The following ZBTB38 variants were observed in gnomAD, a reference collection of about 807,000 sequenced individuals.
ZBTB38 encodes the protein zinc finger and BTB domain-containing protein 38.
ZBTB38 carries 20 observed loss-of-function variants against 76.8 expected under a neutral mutation model. That is an observed-to-expected ratio of 0.26 (90% confidence interval 0.18 to 0.38). The LOEUF (loss-of-function observed/expected upper bound fraction) is 0.38. Ranked by LOEUF, ZBTB38 falls within the 10% of genes least tolerant of loss-of-function variation. ZBTB38 has a pLI of 1.00. For synonymous variants in ZBTB38, 504 were observed against 544.2 expected, an observed-to-expected ratio of 0.93 and a Z score of 1.03; for missense variants, 1,082 against 1,482.3, an observed-to-expected ratio of 0.73 and a Z score of 4.43.
intron 2 of ZBTB38, among the ~76,000 whole-genome samples, chr3:141,379,201 A>T (rs1201287321): frequency 6.6e-6 from 1 of 152,128 alleles, no homozygotes; most frequent in East Asian, 1.9e-4. Flanking sequence ...TTTGAAATTA[A>T]ATTTATTGTG....
intron 1 of ZBTB38, among the ~76,000 whole-genome samples, chr3:141,346,973 G>A (rs560299133): frequency 3.3e-5 from 5 of 152,232 alleles, no homozygotes; most frequent in Non-Finnish European, 5.9e-5. Flanking sequence ...CAGCACTTCC[G>A]CCACTAGCTT....
At chr3:141,434,348 A>C (rs1317934541) in intron 5 of ZBTB38, 1 of 326,398 alleles carries the variant, frequency 3.1e-6, no homozygotes, top group Non-Finnish European at 4.4e-6. Context: ...CCAAAGTTAT[A>C]AGAAAAGGGA....
chr3:141,431,323 C>CAAAAAAAAAAAA (rs71976494), intron 5 of ZBTB38, among the ~76,000 whole-genome samples: 1 of 101,408 alleles, frequency 9.9e-6, no homozygotes, highest in Non-Finnish European at 1.8e-5. Context: ...GACTTCGTCT[C>CAAAAAAAAAAAA]AAAAAAAAAA....
intron 5 of ZBTB38, among the ~76,000 whole-genome samples, chr3:141,441,057 A>T (rs1009386817): frequency 6.6e-6 from 1 of 151,436 alleles, no homozygotes; most frequent in Non-Finnish European, 1.5e-5. Context: ...AAAAGAAAAG[A>T]AAAAGAAAGA....
chr3:141,384,634 T>A (rs1209498231), intron 3 of ZBTB38, among the ~76,000 whole-genome samples: 1 of 152,140 alleles, frequency 6.6e-6, no homozygotes, highest in Admixed American at 6.5e-5. Context: ...AGCGTGATCA[T>A]CTCTCTAATT....
chr3:141,328,725 G>A (rs570046775), intron 1 of ZBTB38, among the ~76,000 whole-genome samples: 5 of 152,176 alleles, frequency 3.3e-5, no homozygotes, highest in African/African-American at 4.8e-5. Flanking sequence ...CCTCCAAGGC[G>A]CTCTGTCACC....
rs376851215 is a variant in ZBTB38 at position 141,421,945 on chromosome 3, G to A, written c.-1+17914G>A. ...GTCTCAGCACCATCTTGTGGACACAGCACTGTGAACTGGGGATGGGCTGTG... is the reference window on the plus strand; with the variant it reads ...GTCTCAGCACCATCTTGTGGACACAACACTGTGAACTGGGGATGGGCTGTG... On this transcript the variant is annotated intron_variant, in intron 5 of 5. Transcript: ENST00000321464. Among the ~76,000 whole-genome samples the A allele has an allele frequency of 1.7e-3, 255 of 152,368 alleles. 5 individuals carry two copies. The highest frequency in any genetic ancestry group is 6.0e-3 in the African/African-American group (249 of 41,584).
intron 2 of ZBTB38, among the ~76,000 whole-genome samples, chr3:141,377,352 C>T (rs796470278): frequency 3.9e-5 from 6 of 152,348 alleles, no homozygotes; most frequent in African/African-American, 1.4e-4. Context: ...CCCAGCTAAG[C>T]TCAGAAGGCC....
upstream of ZBTB38, among the ~76,000 whole-genome samples, chr3:141,365,064 T>G (rs1299005837): frequency 6.6e-6 from 1 of 151,734 alleles, no homozygotes; most frequent in Non-Finnish European, 1.5e-5. Context: ...TGAATGCATG[T>G]CCACAAAAAA....
chr3:141,416,116 G>T (rs944315933), intron 5 of ZBTB38, among the ~76,000 whole-genome samples: 1 of 152,082 alleles, frequency 6.6e-6, no homozygotes, highest in African/African-American at 2.4e-5. Context: ...AGAAAACAAC[G>T]GGAAAGACAG....
chr3:141,333,349 G>A (rs1942910225), intron 1 of ZBTB38, among the ~76,000 whole-genome samples: 1 of 152,018 alleles, frequency 6.6e-6, no homozygotes, highest in African/African-American at 2.4e-5. Context: ...CACATGGTTG[G>A]TTGCTCACTC....
At chr3:141,358,873 T>C (rs1428731535) in intron 1 of ZBTB38, among the ~76,000 whole-genome samples, 1 of 152,186 alleles carries the variant, frequency 6.6e-6, no homozygotes, top group Non-Finnish European at 1.5e-5. Flanking sequence ...ATACTACCAC[T>C]AAAGGCTTGA....
intron 5 of ZBTB38, among the ~76,000 whole-genome samples, chr3:141,414,622 A>G (rs1024569240): frequency 2.0e-5 from 3 of 152,194 alleles, no homozygotes; most frequent in Non-Finnish European, 4.4e-5. Flanking sequence ...TACTGATCCC[A>G]GGGTGAGACA....
rs138939313 is a variant in ZBTB38, at chr3:141,381,662, C to A, written c.-172+175C>A. ...GCAAGATAGTCTTCCTCTCCTATTC[C>A]CAGGTAGGGTGGAGCTGGTGGATTA... On this transcript the variant is annotated intron_variant, in intron 3 of 5. Coordinates refer to ENST00000321464, the MANE Select transcript of ZBTB38 (RefSeq NM_001376113.1). Among the ~76,000 whole-genome samples the A allele has an allele frequency of 4.6e-5, 7 of 152,296 alleles. No individual in the cohort carries two copies. The East Asian group carries it at 1.3e-3, about 29-fold the overall frequency.
chr3:141,362,314 C>A (rs891157286), intron 1 of ZBTB38, among the ~76,000 whole-genome samples: 10 of 152,112 alleles, frequency 6.6e-5, no homozygotes, highest in African/African-American at 2.4e-4. Context: ...AATTTGAATT[C>A]CCAAAATTCA....
chr3:141,443,686 G>A lies in ZBTB38; in HGVS notation c.1298G>A (p.Arg433Lys), dbSNP rs1478178871. 6.2e-7 allele frequency: 1 copy of A among 1,614,118 alleles called. No homozygotes were observed. Among genetic ancestry groups the A allele is most frequent in the Admixed American group, 1.7e-5 (1 of 60,026 alleles). ...CCAGAACCTTTATTATCTGAAAATA[G>A]GATTGGTGAATTTTCCAGTACCGGA... Reference protein sequence around the residue: ...TGPEPLLSENRIGEFSSTGST... With the variant: ...TGPEPLLSENKIGEFSSTGST... Residue 433 changes from arginine to lysine, a missense_variant, in exon 6 of 6, where the codon AGG becomes AAG. By Grantham distance (26) the Arg-to-Lys change is conservative. Transcript: ENST00000321464. The surrounding 1 kb of genome is among the most constrained non-coding windows in gnomAD (Gnocchi z 5.6).
rs2080894073 is a variant in ZBTB38, at chr3:141,444,946, T to G, written c.2558T>G (p.Ile853Ser). 7 of 1,614,162 alleles carry G rather than the reference T, an allele frequency of 4.3e-6. No individual in the cohort carries two copies. Among genetic ancestry groups the G allele is most frequent in the Non-Finnish European group, 5.9e-6 (7 of 1,180,034 alleles). Residue 853 changes from isoleucine (I) to serine (S), a missense_variant, in exon 6 of 6, where the codon ATT becomes AGT. By Grantham distance (142) the Ile-to-Ser change is moderately radical (BLOSUM62 -2). Around this residue, in one of 8 missense-constraint regions of ZBTB38, gnomAD observed 471 missense variants for 581.0 expected, o/e 0.81. Transcript: ENST00000321464. This position sits in a 1 kb window ranked among gnomAD's most constrained non-coding sequence, Gnocchi z 5.1. ...IGNEAIVKRHILGSKLFYKRG... is the reference protein window; with the variant it reads ...IGNEAIVKRHSLGSKLFYKRG... ...AACGAAGCCATTGTGAAAAGGCACA[T>G]TCTAGGATCTAAATTGTTTTATAAA...
At chr3:141,339,621 A>C (rs141030172) in intron 1 of ZBTB38, among the ~76,000 whole-genome samples, 73 of 152,356 alleles carry the variant, frequency 4.8e-4, no homozygotes, top group Middle Eastern at 3.4e-3. Context: ...TTAAAGAAGA[A>C]AAGCAGTTAA....
Position 141,442,545 on chromosome 3 carries a change from G to C in ZBTB38, c.157G>C (p.Ala53Pro). The C allele has an allele frequency of 6.2e-7, 1 of 1,614,206 alleles. No homozygotes were observed. Among genetic ancestry groups the C allele is most frequent in the African/African-American group, 1.3e-5 (1 of 75,054 alleles). Residue 53 changes from alanine to proline, a missense_variant, in exon 6 of 6, where the codon GCT (alanine) becomes CCT (proline). Ala to Pro is a conservative substitution (Grantham distance 27). This residue lies in a region of ZBTB38 where 68 missense variants were observed against 153.0 expected (regional missense o/e 0.44). Transcript: ENST00000321464. The surrounding 1 kb of genome is among the most constrained non-coding windows in gnomAD (Gnocchi z 6.4). ...KFKAHSNVLA[A>P]SSLYFKNIFW... ...TAAAGCCCATAGCAATGTTCTGGCA[G>C]CTTCAAGCCTGTATTTTAAAAATAT...
Sources: gnomAD v4.1 joint callset for allele counts (sites outside exome capture counted in the v4.1 genomes callset) on GRCh38, gnomAD v4.1.1 for gene constraint, gnomAD v4.1.1 regional missense constraint, Gnocchi (gnomAD v3.1) non-coding constraint, MANE v1.5 for transcripts, NCBI Gene and HGNC (gene_info 2026-07-23, HGNC 2026-07-21) for gene names.